KIR2DL1: variants seen among roughly 807,000 people sequenced by gnomAD.
KIR2DL1 encodes the protein killer cell immunoglobulin like receptor, two Ig domains and long cytoplasmic tail 1.
Under a neutral mutation model 33.9 loss-of-function variants are expected in KIR2DL1, and 38 were observed. The ratio of observed to expected loss-of-function variants is 1.12; its 90% CI spans 0.86 to 1.47. The LOEUF is 1.47. Among genes scored for constraint, KIR2DL1 ranks in the 40% most tolerant of loss-of-function variants. The pLI is 0.00. For missense variants in KIR2DL1, 531 were observed against 433.9 expected (o/e 1.22, Z -1.99); for synonymous variants, 179 against 165.9 (o/e 1.08, Z -0.61).
At chr19:54,782,153 GC>G (rs1323293189) in intron 5 of KIR2DL1, among the ~76,000 whole-genome samples, 4 of 151,982 alleles carry the variant, frequency 2.6e-5, no homozygotes, top group African/African-American at 9.7e-5. Context: ...CCAGAAAGCA[GC>G]CCAGCCTGGG....
rs2076188980 is a variant in KIR2DL1 at position 54,775,281 on chromosome 19, G to A, written c.487G>A (p.Glu163Lys). ...CTATGACATGTACCATCTATCCAGG[G>A]AAGGGGAGGCCCATGAACGTAGGCT... is the stretch of plus-strand genomic sequence containing the variant. Reference protein sequence around the residue: ...SSYDMYHLSREGEAHERRLPA... With the variant: ...SSYDMYHLSRKGEAHERRLPA... Residue 163 changes from glutamate to lysine, a missense_variant, in exon 4 of 8, where the codon GAA becomes AAA. By Grantham distance (56) the Glu-to-Lys change is moderately conservative (BLOSUM62 1). Coordinates refer to ENST00000336077, the MANE Select transcript of KIR2DL1 (RefSeq NM_014218.3). The A allele has an allele frequency of 6.2e-7, 1 of 1,603,258 alleles. No individual in the cohort carries two copies. The highest frequency in any genetic ancestry group is 8.5e-7 in the Non-Finnish European group (1 of 1,172,182).
chr19:54,782,025 C>T (rs2077019522), intron 5 of KIR2DL1, among the ~76,000 whole-genome samples: 1 of 151,994 alleles, frequency 6.6e-6, no homozygotes, highest in South Asian at 2.1e-4. Context: ...TCATTACTAA[C>T]AGATAAGCAG....
At chr19:54,781,485 G>T (rs1247098959) in intron 5 of KIR2DL1, among the ~76,000 whole-genome samples, 10 of 150,390 alleles carry the variant, frequency 6.6e-5, no homozygotes, top group Admixed American at 4.7e-4. Context: ...CCAATCACCT[G>T]TGGAGATTCA....
chr19:54,782,534 T>C (rs1465798419), intron 5 of KIR2DL1, among the ~76,000 whole-genome samples: 1 of 151,988 alleles, frequency 6.6e-6, no homozygotes, highest in Admixed American at 6.5e-5. Context: ...TTCCAAGCTC[T>C]TTTTAACAAC....
chr19:54,783,155 C>G (rs1389475891), intron 6 of KIR2DL1, 132 bp downstream of exon 6: 1 of 1,060,118 alleles, frequency 9.4e-7, no homozygotes, highest in African/African-American at 1.6e-5. Context: ...GCAGGACTTT[C>G]TAGAGAGGGC....
At chr19:54,777,117 T>A (rs2076443085) in intron 4 of KIR2DL1, among the ~76,000 whole-genome samples, 1 of 151,674 alleles carries the variant, frequency 6.6e-6, no homozygotes, top group Admixed American at 6.6e-5. Flanking sequence ...TGAGATGGAG[T>A]TTTGCTCTTC....
chr19:54,772,396 T>C lies in KIR2DL1; in HGVS notation c.71-937T>C, dbSNP rs530748501. Among the ~76,000 whole-genome samples, 69 of 146,090 alleles carry C rather than the reference T, an allele frequency of 4.7e-4. 7 individuals carry two copies. Among genetic ancestry groups the C allele is most frequent in the Non-Finnish European group, 4.1e-4 (27 of 65,518 alleles). ...AGGGAACGAAGCCCTGCAGGTGCCTTGATTTTACCCACGACAAACAGGGTC... is the reference window on the plus strand; with the variant it reads ...AGGGAACGAAGCCCTGCAGGTGCCTCGATTTTACCCACGACAAACAGGGTC... On this transcript the variant is annotated intron_variant, in intron 2 of 7. Coordinates refer to ENST00000336077, the MANE Select transcript of KIR2DL1 (RefSeq NM_014218.3).
rs758001562 is a variant in KIR2DL1 at position 54,773,619 on chromosome 19, C to G, written c.357C>G (p.Asp119Glu). 6.4e-7 allele frequency: 1 copy of G among 1,574,046 alleles called. No individual in the cohort carries two copies. The highest frequency in any genetic ancestry group is 1.4e-5 in the African/African-American group (1 of 73,710). Residue 119 changes from aspartate (D) to glutamate (E), a missense_variant, in exon 3 of 8, where the codon GAC (aspartate) becomes GAG (glutamate). Asp to Glu is a conservative substitution (Grantham distance 45). Coordinates refer to ENST00000336077, the MANE Select transcript of KIR2DL1 (RefSeq NM_014218.3). ...YQVSAPSDPLDIVIIGLYEKP... is the reference protein window; with the variant it reads ...YQVSAPSDPLEIVIIGLYEKP... Reference sequence around the variant, plus strand: ...TGTCAGCTCCCAGTGACCCTCTGGACATCGTGATCATAGGTGAGAGTGTCC... The same window carrying G: ...TGTCAGCTCCCAGTGACCCTCTGGAGATCGTGATCATAGGTGAGAGTGTCC...
At chr19:54,773,079 A>G (rs1600723422) in intron 2 of KIR2DL1, among the ~76,000 whole-genome samples, 1 of 148,610 alleles carries the variant, frequency 6.7e-6, no homozygotes, top group Non-Finnish European at 1.5e-5. Flanking sequence ...CGAAATAGAT[A>G]CAACAGCCCA....
Position 54,782,948 on chromosome 19 carries a change from A to T in KIR2DL1, c.742A>T (p.Ile248Phe), listed in dbSNP as rs773591138. ...TGNPRHLHILIGTSVVIILFI... is the reference protein window; with the variant it reads ...TGNPRHLHILFGTSVVIILFI... Reference sequence around the variant, plus strand: ...TAACCCCCGACACCTGCACATTCTGATTGGGACCTCAGTGGTCATCATCCT... The same window carrying T: ...TAACCCCCGACACCTGCACATTCTGTTTGGGACCTCAGTGGTCATCATCCT... The change falls in exon 6 of 8, where the codon ATT becomes TTT. Residue 248 changes from isoleucine (I) to phenylalanine (F), a missense_variant. Ile to Phe is a conservative substitution (Grantham distance 21, BLOSUM62 0). Transcript: ENST00000336077. The T allele has an allele frequency of 1.7e-5, 28 of 1,613,658 alleles. 1 individual carries two copies. The highest frequency in any genetic ancestry group is 2.1e-5 in the Non-Finnish European group (25 of 1,179,850).
At chr19:54,770,217 T>A (rs1332316146) in intron 1 of KIR2DL1, among the ~76,000 whole-genome samples, 1 of 49,902 alleles carries the variant, frequency 2.0e-5, no homozygotes, top group Admixed American at 2.1e-4. Context: ...GGCCTGGAGG[T>A]GGAGTTATGG....
chr19:54,774,663 CAT>C (rs1337209496), intron 3 of KIR2DL1, among the ~76,000 whole-genome samples: 1 of 147,226 alleles, frequency 6.8e-6, no homozygotes, highest in Non-Finnish European at 1.5e-5. Context: ...CAGAGGCAGA[CAT>C]AGAGAAATCA....
Position 54,775,393 on chromosome 19 carries a change from G to T in KIR2DL1, c.599G>T (p.Gly200Val). Reference protein sequence around the residue: ...ATHGGTYRCFGSFHDSPYEWS... With the variant: ...ATHGGTYRCFVSFHDSPYEWS... ...CACGGAGGGACCTACAGATGCTTCGGCTCTTTCCATGACTCTCCATACGAG... is the reference window on the plus strand; with the variant it reads ...CACGGAGGGACCTACAGATGCTTCGTCTCTTTCCATGACTCTCCATACGAG... The change falls in exon 4 of 8, where the codon GGC becomes GTC. Residue 200 changes from glycine (G) to valine (V), a missense_variant. Gly to Val is a moderately radical substitution (Grantham distance 109, BLOSUM62 -3). Coordinates refer to ENST00000336077, the MANE Select transcript of KIR2DL1 (RefSeq NM_014218.3). The T allele has an allele frequency of 1.3e-6, 2 of 1,584,182 alleles. No homozygotes were observed. Among genetic ancestry groups the T allele is most frequent in the South Asian group, 1.1e-5 (1 of 90,082 alleles).
intron 5 of KIR2DL1, among the ~76,000 whole-genome samples, chr19:54,781,506 G>A (rs1488150500): frequency 6.7e-6 from 1 of 150,270 alleles, no homozygotes; most frequent in Non-Finnish European, 1.5e-5. Flanking sequence ...GATAGACCAT[G>A]GGGAGGTAAA....
At chr19:54,779,144 C>G (rs1321559450) in intron 5 of KIR2DL1, among the ~76,000 whole-genome samples, 1 of 148,434 alleles carries the variant, frequency 6.7e-6, no homozygotes, top group Admixed American at 6.8e-5. Context: ...CACTTCGACT[C>G]ACTGACTCAT....
In KIR2DL1 at chr19:54,770,958, T is replaced by C. The variant is rs1490450954; in HGVS notation, c.70+74T>C. On this transcript the variant is annotated intron_variant, in intron 2 of 7. Coordinates refer to ENST00000336077, the MANE Select transcript of KIR2DL1 (RefSeq NM_014218.3). ...TTTTCCTGAAATGGGAGGGAAGTCC[T>C]GTCAGGGAGTCTCTCATAAACTAGG... The C allele has an allele frequency of 1.9e-6, 3 of 1,542,866 alleles. No individual in the cohort carries two copies. In the African/African-American group the frequency reaches 4.1e-5, roughly 21 times the overall value.
At position 54,783,945 on chromosome 19, in the gene KIR2DL1, C is replaced by T; in HGVS notation, c.*132C>T. On this transcript the variant is annotated 3_prime_UTR_variant, in exon 8 of 8. Coordinates refer to ENST00000336077, the MANE Select transcript of KIR2DL1 (RefSeq NM_014218.3). ...TCTGCATCTTAGGGCATCGATCTTC[C>T]TCACACCACAAATCTGAATGTGCCT... 2 of 1,298,542 alleles carry T rather than the reference C, an allele frequency of 1.5e-6. No individual in the cohort carries two copies. The highest frequency in any genetic ancestry group is 1.9e-4 in the Middle Eastern group (1 of 5,352). 80.4% of individuals were successfully genotyped at this position (1,298,542 alleles called of 1,614,324 possible). A position where few individuals can be genotyped will look rare whatever the true frequency, so the allele number is the denominator to read the frequency against.
Position 54,776,584 on chromosome 19 carries a change from C to G in KIR2DL1, c.664+1126C>G, listed in dbSNP as rs1468992507. Among the ~76,000 whole-genome samples, 59 of 145,634 alleles carry G rather than the reference C, an allele frequency of 4.1e-4. 1 individual carries two copies. Among genetic ancestry groups the G allele is most frequent in the African/African-American group, 1.5e-3 (58 of 39,686 alleles). ...TCACTTCGATATGTTGATTTACTTT[C>G]CTTTGGATATAAACCCAGTAGTGAA... On this transcript the variant is annotated intron_variant, in intron 4 of 7. Coordinates refer to ENST00000336077, the MANE Select transcript of KIR2DL1 (RefSeq NM_014218.3).
intron 5 of KIR2DL1, among the ~76,000 whole-genome samples, chr19:54,779,288 G>T (rs113038850): frequency 0.034 from 3,503 of 104,408 alleles, 5 homozygotes; most frequent in South Asian, 0.054. Flanking sequence ...GCTCAAAGTA[G>T]GAAGTGCATC....
Sources: allele counts gnomAD v4.1 joint callset (sites outside exome capture counted in the v4.1 genomes callset), GRCh38; gene constraint gnomAD v4.1.1; transcripts MANE v1.5; gene names NCBI Gene and HGNC (gene_info 2026-07-23, HGNC 2026-07-21).